COL9A1: variants seen among roughly 807,000 people sequenced by gnomAD.
The protein encoded by COL9A1 is collagen type IX alpha 1 chain.
In COL9A1, 104 loss-of-function variants were observed where a neutral mutation model predicts 142.6. The observed-to-expected ratio is 0.73, with a 90% CI of 0.62 to 0.86. COL9A1 has a LOEUF of 0.86. Among genes scored for constraint, COL9A1 ranks in the 40% least tolerant of loss-of-function variants. The pLI, the probability that COL9A1 is intolerant of heterozygous loss-of-function variation, is 0.00. For missense variants in COL9A1, 1,210 were observed against 1,176.6 expected (o/e 1.03, Z -0.42); for synonymous variants, 466 against 396.0 (o/e 1.18, Z -2.10).
intron 5 of COL9A1, among the ~76,000 whole-genome samples, chr6:70,291,833 T>C (rs1773671138): frequency 6.6e-6 from 1 of 152,124 alleles, no homozygotes; most frequent in Non-Finnish European, 1.5e-5. Flanking sequence ...TAGCAGAAGA[T>C]AAGGTAGATT....
chr6:70,260,593 A>T, intron 20 of COL9A1, 64 bp downstream of exon 20: 1 of 1,461,824 alleles, frequency 6.8e-7, no homozygotes, highest in Non-Finnish European at 9.4e-7. Flanking sequence ...AGTTATGTTT[A>T]AACGGCCAAA....
At chr6:70,227,424 TAAAAA>T (rs11407353) in intron 36 of COL9A1, among the ~76,000 whole-genome samples, 2 of 50,030 alleles carry the variant, frequency 4.0e-5, no homozygotes, top group East Asian at 6.7e-4. Flanking sequence ...ATGCAAATTG[TAAAAA>T]AAAAAAAAAA....
At position 70,271,651 on chromosome 6, in the gene COL9A1, T is replaced by C. The variant is rs1224302280; in HGVS notation, c.1143+4A>G. On this transcript the variant is annotated splice_donor_region_variant and intron_variant, in intron 14 of 37. Coordinates refer to ENST00000357250, the MANE Select transcript of COL9A1 (RefSeq NM_001851.6). ...CGTCTATCAAAGTGCACTGTGGTAC[T>C]CACAACAGGTCCTACACGGCCAAGC... The C allele has an allele frequency of 6.2e-7, 1 of 1,613,074 alleles. No individual in the cohort carries two copies. The highest frequency in any genetic ancestry group is 8.5e-7 in the Non-Finnish European group (1 of 1,179,206).
At chr6:70,248,668 G>A (rs1267047532) in intron 28 of COL9A1, among the ~76,000 whole-genome samples, 2 of 152,152 alleles carry the variant, frequency 1.3e-5, no homozygotes, top group African/African-American at 4.8e-5. Context: ...TTTATAGCAG[G>A]TGAGAAGTCA....
In COL9A1 at chr6:70,216,816, C is replaced by T. The variant is rs1424612487; in HGVS notation, c.*81G>A. 6.9e-6 allele frequency: 10 copies of T among 1,445,808 alleles called. No individual in the cohort carries two copies. The highest frequency in any genetic ancestry group is 2.3e-5 in the South Asian group (2 of 85,562). The allele number at this position is 1,445,808 out of a possible 1,614,324, so 89.6% of individuals were successfully genotyped here. ...ATCATGCTGAAGGTAATCATCTTTG[C>T]CCCAGCTTTGGATGGTGTTTCTCAC... On this transcript the variant is annotated 3_prime_UTR_variant, in exon 38 of 38. Transcript: ENST00000357250.
intron 37 of COL9A1, among the ~76,000 whole-genome samples, chr6:70,222,480 C>G (rs573323724): frequency 6.6e-6 from 1 of 152,170 alleles, no homozygotes; most frequent in Admixed American, 6.5e-5. Flanking sequence ...AACAACAAAG[C>G]ACTGTAGCCA....
At chr6:70,280,464 C>G (rs1773073534) in intron 10 of COL9A1, 1 of 1,264,216 alleles carries the variant, frequency 7.9e-7, no homozygotes, top group African/African-American at 1.5e-5. Context: ...AAGCCGAAGC[C>G]AGTACAATCT....
intron 37 of COL9A1, among the ~76,000 whole-genome samples, chr6:70,223,056 G>A (rs866313128): frequency 1.2e-4 from 18 of 152,082 alleles, no homozygotes; most frequent in South Asian, 2.1e-4. Context: ...CCAGTACTTC[G>A]CATTTGTGAT....
rs910689561 is a variant in COL9A1 at position 70,280,210 on chromosome 6, G to A, written c.975+602C>T. 6.0e-5 allele frequency: 53 copies of A among 890,402 alleles called. 1 individual carries two copies. In the Admixed American group the frequency reaches 1.3e-3, roughly 22 times the overall value. 55.2% of individuals were successfully genotyped at this position (890,402 alleles called of 1,614,324 possible). On this transcript the variant is annotated intron_variant, in intron 10 of 37. Transcript: ENST00000357250. ...ATACAGTCCTAGCCAGCTCATTTCTGCCAGTAATGCCAGCCAGAAAAACTC... is the reference window on the plus strand; with the variant it reads ...ATACAGTCCTAGCCAGCTCATTTCTACCAGTAATGCCAGCCAGAAAAACTC...
At chr6:70,225,587 TAA>T (rs543691720) in intron 37 of COL9A1, among the ~76,000 whole-genome samples, 21,176 of 147,752 alleles carry the variant, frequency 0.14, 1,819 homozygotes, top group Non-Finnish European at 0.2. Context: ...CATTTTAGAT[TAA>T]AAAAAAAAAC....
chr6:70,266,611 G>T, intron 18 of COL9A1, 106 bp downstream of exon 18: 1 of 910,012 alleles, frequency 1.1e-6, no homozygotes, highest in Non-Finnish European at 1.8e-6. Flanking sequence ...AAAAAGAATG[G>T]TAAAATATCG....
At chr6:70,247,992 G>A (rs958262363) in intron 28 of COL9A1, among the ~76,000 whole-genome samples, 8 of 152,192 alleles carry the variant, frequency 5.3e-5, no homozygotes, top group Non-Finnish European at 1.2e-4. Flanking sequence ...AAAGTAGACA[G>A]GCTTCTGTAC....
At chr6:70,227,836 T>C (rs1165266761) in intron 36 of COL9A1, among the ~76,000 whole-genome samples, 1 of 152,088 alleles carries the variant, frequency 6.6e-6, no homozygotes, top group Non-Finnish European at 1.5e-5. Flanking sequence ...TTTGGAATGG[T>C]CTCCATGGCA....
intron 19 of COL9A1, among the ~76,000 whole-genome samples, chr6:70,261,338 C>A (rs1452136792): frequency 6.6e-6 from 1 of 151,904 alleles, no homozygotes; most frequent in East Asian, 1.9e-4. Context: ...TTTCTAGGAT[C>A]TCTTTCAATA....
intron 29 of COL9A1, 60 bp from the exon 30 acceptor site, chr6:70,242,095 G>T: frequency 7.0e-7 from 1 of 1,423,938 alleles, no homozygotes; most frequent in Non-Finnish European, 9.7e-7. Context: ...AAGCACGGAA[G>T]GCAGAAACAA....
chr6:70,268,766 G>A, intron 17 of COL9A1, 38 bp downstream of exon 17: 1 of 1,581,624 alleles, frequency 6.3e-7, no homozygotes, highest in Non-Finnish European at 8.7e-7. Context: ...TTTTATCTGT[G>A]GATAATACTC....
rs2024730 is a variant in COL9A1 at position 70,260,596 on chromosome 6, C to T, written c.1449+61G>A. The T allele has an allele frequency of 0.46, 664,482 of 1,455,816 alleles. 154,997 individuals carry two copies. Among genetic ancestry groups the T allele is most frequent in the Non-Finnish European group, 0.49 (518,981 of 1,059,318 alleles). 90.2% of individuals were successfully genotyped at this position (1,455,816 alleles called of 1,614,324 possible). A position where few individuals can be genotyped will look rare whatever the true frequency, so the allele number is the denominator to read the frequency against. On this transcript the variant is annotated intron_variant, in intron 20 of 37. Coordinates refer to ENST00000357250, the MANE Select transcript of COL9A1 (RefSeq NM_001851.6). ...TTGAAGATAAAAAGTTATGTTTAAA[C>T]GGCCAAAATTTTAAATATTTAACAC...
At chr6:70,283,347 G>T in intron 6 of COL9A1, 1 of 1,000,990 alleles carries the variant, frequency 1.0e-6, no homozygotes, top group Non-Finnish European at 1.4e-6. Flanking sequence ...TGAGCACGCA[G>T]CTCTGCCTCC....
intron 25 of COL9A1, 143 bp downstream of exon 25, chr6:70,254,333 C>A: frequency 7.4e-6 from 5 of 679,002 alleles, no homozygotes; most frequent in East Asian, 2.9e-5. Flanking sequence ...ATATAAAATA[C>A]AAATGTAAAT....
Sources: gnomAD v4.1 joint callset for allele counts (sites outside exome capture counted in the v4.1 genomes callset) on GRCh38, gnomAD v4.1.1 for gene constraint, MANE v1.5 for transcripts, NCBI Gene and HGNC (gene_info 2026-07-23, HGNC 2026-07-21) for gene names.